Variants in NMD3 observed in about 807,000 individuals in gnomAD.
The protein encoded by NMD3 is 60S ribosomal export protein NMD3.
NMD3 carries 47 observed loss-of-function variants against 73.1 expected under a neutral mutation model. That is an observed-to-expected ratio of 0.64 (90% CI 0.51 to 0.82). The LOEUF (loss-of-function observed/expected upper bound fraction) is 0.82, where lower values mean the gene tolerates loss of function less well. Ranked by LOEUF, NMD3 falls within the 40% of genes least tolerant of loss-of-function variation. NMD3 has a pLI of 0.00. For missense variants in NMD3, 554 were observed against 612.5 expected, an observed-to-expected ratio of 0.90 and a Z score of 1.01; for synonymous variants, 210 against 194.5, an observed-to-expected ratio of 1.08 and a Z score of -0.66.
rs1358664868 is a variant in NMD3, at chr3:161,232,090, G to A, written c.277-1309G>A. 1.3e-5 allele frequency among the ~76,000 whole-genome samples: 2 copies of A among 151,606 alleles called. 1 individual carries two copies. Among genetic ancestry groups the A allele is most frequent in the Admixed American group, 1.3e-4 (2 of 15,216 alleles). On this transcript the variant is annotated intron_variant, in intron 4 of 15. Transcript: ENST00000351193. Reference sequence around the variant, plus strand: ...GAGACTCTCCATTCCTGCAGGTGGAGGTTGGAGCTTGAGGGGAAGATCAGT... The same window carrying A: ...GAGACTCTCCATTCCTGCAGGTGGAAGTTGGAGCTTGAGGGGAAGATCAGT...
chr3:161,253,045 C>T (rs1029789003), downstream of NMD3: 2 of 274,624 alleles, frequency 7.3e-6, no homozygotes, highest in African/African-American at 2.2e-5. Flanking sequence ...TGCAGTGAGT[C>T]GAGATCTGGC....
At chr3:161,250,135 G>T (rs1255213942) in intron 14 of NMD3, 121 bp from the exon 15 acceptor site, 4 of 587,798 alleles carry the variant, frequency 6.8e-6, no homozygotes, top group Non-Finnish European at 1.2e-5. Flanking sequence ...ATATAAAATT[G>T]TTTCATGAAA....
At chr3:161,227,405 G>T in intron 4 of NMD3, 62 bp downstream of exon 4, 12 of 778,334 alleles carry the variant, frequency 1.5e-5, no homozygotes, top group East Asian at 3.5e-5. Context: ...CTCATTTTCA[G>T]AAAATTCTTG....
chr3:161,246,984 G>A (rs1737237237), intron 12 of NMD3, among the ~76,000 whole-genome samples: 1 of 151,260 alleles, frequency 6.6e-6, no homozygotes, highest in African/African-American at 2.4e-5. Context: ...GCAACTAATT[G>A]AATTCTAAAG....
At chr3:161,227,518 G>T (rs1379522373) in intron 4 of NMD3, among the ~76,000 whole-genome samples, 175 bp downstream of exon 4, 3 of 148,532 alleles carry the variant, frequency 2.0e-5, no homozygotes, top group African/African-American at 7.5e-5. Context: ...TGTGATCTCG[G>T]CTCACTGCAA....
chr3:161,222,416 G>A (rs555961184), intron 2 of NMD3, among the ~76,000 whole-genome samples: 1 of 151,852 alleles, frequency 6.6e-6, no homozygotes, highest in Non-Finnish European at 1.5e-5. Flanking sequence ...TGTGATCTCG[G>A]CTCACTGCAA....
chr3:161,247,191 G>A (rs1737247561), intron 12 of NMD3, 67 bp from the exon 13 acceptor site: 1 of 946,854 alleles, frequency 1.1e-6, no homozygotes, highest in Admixed American at 1.9e-5. Flanking sequence ...TTAGGTGATA[G>A]CCATAAAATA....
At chr3:161,243,310 G>T (rs1397104011) in intron 11 of NMD3, among the ~76,000 whole-genome samples, 1 of 152,166 alleles carries the variant, frequency 6.6e-6, no homozygotes, top group African/African-American at 2.4e-5. Flanking sequence ...TTGTGTGAAT[G>T]TAGTCTCTTT....
rs777033379 is a variant in NMD3 at position 161,238,156 on chromosome 3, G to A, written c.621G>A (p.Lys207=). ...ATTCCTCAAAACAACATGCTCAGAAGATGGTCGAATTTCTTCAGTGTACAG... is the reference window on the plus strand; with the variant it reads ...ATTCCTCAAAACAACATGCTCAGAAAATGGTCGAATTTCTTCAGTGTACAG... The part of the protein sequence containing the change: ...FYYSSKQHAQ[K]MVEFLQCTVP... The change falls in exon 8 of 16, where the codon AAG becomes AAA. Residue 207 remains lysine (K), a synonymous_variant. Transcript: ENST00000351193. 1.2e-6 allele frequency: 2 copies of A among 1,604,818 alleles called. No individual in the cohort carries two copies. The highest frequency in any genetic ancestry group is 2.2e-5 in the South Asian group (2 of 89,512).
chr3:161,229,344 G>A lies in NMD3; in HGVS notation c.276+2001G>A, dbSNP rs149242852. ...AATCATGAGAAATGGTTTTGGATCA[G>A]CAATGGAGGTGGTAAGAAGTGGACA... On this transcript the variant is annotated intron_variant, in intron 4 of 15. Transcript: ENST00000351193. Among the ~76,000 whole-genome samples the A allele has an allele frequency of 2.0e-3, 301 of 152,306 alleles. 1 individual carries two copies. Among genetic ancestry groups the A allele is most frequent in the African/African-American group, 6.9e-3 (288 of 41,570 alleles).
chr3:161,243,451 A>G (rs1737069836), intron 11 of NMD3, among the ~76,000 whole-genome samples: 1 of 152,196 alleles, frequency 6.6e-6, no homozygotes, highest in Non-Finnish European at 1.5e-5. Flanking sequence ...CATTTGTCCC[A>G]AAAGTGTCTT....
intron 6 of NMD3, 109 bp from the exon 7 acceptor site, chr3:161,235,013 G>T: frequency 1.1e-6 from 1 of 935,332 alleles, no homozygotes; most frequent in Non-Finnish European, 1.6e-6. Flanking sequence ...TTTAAAGATT[G>T]TTATTGTTTG....
At chr3:161,246,931 G>GT (rs879913445) in intron 12 of NMD3, among the ~76,000 whole-genome samples, 3 of 108,590 alleles carry the variant, frequency 2.8e-5, no homozygotes, top group African/African-American at 7.3e-5. Context: ...ACAGAATGAG[G>GT]TGTTTTTTTT....
intron 2 of NMD3, among the ~76,000 whole-genome samples, chr3:161,223,328 C>G (rs1010740503): frequency 2.6e-5 from 4 of 152,174 alleles, no homozygotes; most frequent in African/African-American, 9.7e-5. Flanking sequence ...TTATTTTGGA[C>G]AATGTTGTTC....
chr3:161,247,224 A>G, intron 12 of NMD3, 34 bp from the exon 13 acceptor site: 1 of 1,408,518 alleles, frequency 7.1e-7, no homozygotes, highest in Non-Finnish European at 1.0e-6. Context: ...CAAAGGGTAA[A>G]TGGTCACTAA....
At chr3:161,231,032 T>G (rs918251607) in intron 4 of NMD3, among the ~76,000 whole-genome samples, 7 of 152,198 alleles carry the variant, frequency 4.6e-5, no homozygotes, top group Admixed American at 1.3e-4. Context: ...TTTCTGTAGT[T>G]CTGTCAGCCA....
chr3:161,223,444 TA>T (rs961133111), intron 2 of NMD3, among the ~76,000 whole-genome samples: 237 of 149,892 alleles, frequency 1.6e-3, no homozygotes, highest in South Asian at 9.0e-3. Context: ...CCTATACTGT[TA>T]AAAAAAAAAT....
At chr3:161,225,143 C>CGA in intron 3 of NMD3, 79 bp downstream of exon 3, 4 of 1,457,148 alleles carry the variant, frequency 2.7e-6, no homozygotes, top group Non-Finnish European at 3.7e-6. Flanking sequence ...TGAGATTACA[C>CGA]GAAGGTATAT....
intron 9 of NMD3, among the ~76,000 whole-genome samples, chr3:161,240,521 C>T (rs1034013736): frequency 5.3e-5 from 4 of 75,502 alleles, no homozygotes; most frequent in Non-Finnish European, 9.1e-5. Flanking sequence ...TGATTTGGGC[C>T]CTGGATTTTT....
Sources: gnomAD v4.1 joint callset for allele counts (sites outside exome capture counted in the v4.1 genomes callset) on GRCh38, gnomAD v4.1.1 for gene constraint, MANE v1.5 for transcripts, NCBI Gene and HGNC (gene_info 2026-07-23, HGNC 2026-07-21) for gene names.